Variants in TET3 observed in about 807,000 individuals in gnomAD.
TET3 encodes tet methylcytosine dioxygenase 3.
TET3 carries 19 observed loss-of-function variants against 141.4 expected under a neutral mutation model. The ratio of observed to expected loss-of-function variants is 0.13; its 90% CI spans 0.09 to 0.20. TET3 has a LOEUF of 0.20. Ranked by LOEUF, TET3 falls within the 10% of genes least tolerant of loss-of-function variation. TET3 has a pLI of 1.00. For missense variants in TET3, 1,874 were observed against 2,356.9 expected (o/e 0.80, Z 4.24); for synonymous variants, 1,043 against 980.9 (o/e 1.06, Z -1.18).
intron 6 of TET3, among the ~76,000 whole-genome samples, chr2:74,081,999 C>T (rs1689859233): frequency 6.6e-6 from 1 of 151,484 alleles, no homozygotes; most frequent in African/African-American, 2.5e-5. Flanking sequence ...TGTTACCTCC[C>T]CAGAGAACCC....
chr2:74,041,784 A>G (rs1687351565), intron 3 of TET3, among the ~76,000 whole-genome samples: 2 of 152,072 alleles, frequency 1.3e-5, no homozygotes, highest in Admixed American at 1.3e-4. Context: ...TCAGGATTTT[A>G]CCTCTTCTGA....
chr2:74,097,932 A>G (rs1292852584), intron 10 of TET3, among the ~76,000 whole-genome samples: 1 of 152,176 alleles, frequency 6.6e-6, no homozygotes, highest in Non-Finnish European at 1.5e-5. Context: ...AAGACCCCAA[A>G]TGCCAGAGCA....
chr2:74,099,218 C>G (rs1691020004), intron 10 of TET3, 58 bp from the exon 11 acceptor site: 1 of 1,471,242 alleles, frequency 6.8e-7, no homozygotes, highest in Non-Finnish European at 9.2e-7. Context: ...TCAGACCCCT[C>G]TCTCCCAGCA....
intron 4 of TET3, among the ~76,000 whole-genome samples, chr2:74,051,407 G>T (rs1687936322): frequency 1.3e-5 from 2 of 152,230 alleles, no homozygotes; most frequent in South Asian, 4.2e-4. Flanking sequence ...TTAGAAAATG[G>T]AAAAAAGACT....
chr2:74,090,530 G>T (rs1690425880), intron 8 of TET3, among the ~76,000 whole-genome samples: 1 of 152,224 alleles, frequency 6.6e-6, no homozygotes, highest in African/African-American at 2.4e-5. Context: ...CCGGGCCCTT[G>T]CAGTCTCCAT....
intron 3 of TET3, among the ~76,000 whole-genome samples, chr2:74,041,218 T>C (rs986391277): frequency 6.6e-6 from 1 of 152,208 alleles, no homozygotes; most frequent in Non-Finnish European, 1.5e-5. Flanking sequence ...TTCTCTCTCT[T>C]TACCCATTTT....
chr2:74,097,808 G>GA (rs1467376123), intron 10 of TET3, among the ~76,000 whole-genome samples: 7 of 152,162 alleles, frequency 4.6e-5, no homozygotes, highest in African/African-American at 1.7e-4. Context: ...AGGAGATGGC[G>GA]AGGGGGTGTG....
chr2:74,018,540 T>C (rs1419580030), intron 3 of TET3, among the ~76,000 whole-genome samples: 1 of 152,232 alleles, frequency 6.6e-6, no homozygotes, highest in African/African-American at 2.4e-5. Context: ...GAAAGCCTGT[T>C]ATCCCCAATC....
At chr2:74,058,686 T>C (rs559302577) in intron 4 of TET3, among the ~76,000 whole-genome samples, 4 of 152,296 alleles carry the variant, frequency 2.6e-5, no homozygotes, top group South Asian at 4.1e-4. Context: ...CAATACAGTT[T>C]TATAAAAGAC....
chr2:74,026,705 C>T (rs1440718765), intron 3 of TET3, among the ~76,000 whole-genome samples: 5 of 151,524 alleles, frequency 3.3e-5, no homozygotes, highest in Non-Finnish European at 5.9e-5. Context: ...TATTGAATCG[C>T]TCGCAAACTT....
At chr2:74,024,304 G>A (rs1686219461) in intron 3 of TET3, among the ~76,000 whole-genome samples, 1 of 152,214 alleles carries the variant, frequency 6.6e-6, no homozygotes, top group African/African-American at 2.4e-5. Context: ...TTGTGCAGGT[G>A]TGTTGCTGAA....
chr2:74,033,990 G>A (rs1410802237), intron 3 of TET3, among the ~76,000 whole-genome samples: 1 of 152,096 alleles, frequency 6.6e-6, no homozygotes, highest in Non-Finnish European at 1.5e-5. Context: ...TAGCTACTTG[G>A]GAGGCTGAGG....
At chr2:74,041,936 CT>C (rs1291802072) in intron 3 of TET3, among the ~76,000 whole-genome samples, 5 of 152,314 alleles carry the variant, frequency 3.3e-5, no homozygotes, top group African/African-American at 9.6e-5. Flanking sequence ...GCCTGTTGAC[CT>C]TTTGGCACCT....
At chr2:74,017,955 C>G (rs920438613) in intron 3 of TET3, among the ~76,000 whole-genome samples, 1 of 144,726 alleles carries the variant, frequency 6.9e-6, no homozygotes, top group Admixed American at 6.9e-5. Flanking sequence ...GAAACCTCTT[C>G]TGTCTCTTTT....
chr2:74,061,355 T>C (rs1159824668), intron 4 of TET3, among the ~76,000 whole-genome samples: 4 of 109,212 alleles, frequency 3.7e-5, no homozygotes, highest in East Asian at 3.0e-4. Flanking sequence ...ACGGGGCGGC[T>C]GGCCGGGTGG....
chr2:74,112,818 CG>C (rs1691733895), downstream of TET3, among the ~76,000 whole-genome samples: 1 of 149,960 alleles, frequency 6.7e-6, no homozygotes, highest in Admixed American at 6.6e-5. Flanking sequence ...CTGGCCAACA[CG>C]GTGAAAGCCC....
At chr2:73,992,313 T>TCTTTCTTTTTTTTTTTTG (rs370301450) in intron 2 of TET3, among the ~76,000 whole-genome samples, 1 of 151,374 alleles carries the variant, frequency 6.6e-6, no homozygotes, top group African/African-American at 2.4e-5. Flanking sequence ...TTCTTTTTTT[T>TCTTTCTTTTTTTTTTTTG]TTTTGTTTTG....
Position 74,047,635 on chromosome 2 carries a change from G to A in TET3, c.1718G>A (p.Arg573Lys). The A allele has an allele frequency of 1.2e-6, 2 of 1,613,520 alleles. No homozygotes were observed. Among genetic ancestry groups the A allele is most frequent in the Middle Eastern group, 1.6e-4 (1 of 6,062 alleles). ...TCACCTGTCCCACGGCTTCCAGACA[G>A]ACCACCCAAGGAGAAGAAGAAGAAG... ...PSSPVPRLPD[R>K]PPKEKKKKLP... Residue 573 changes from arginine (R) to lysine (K), a missense_variant, in exon 4 of 12, where the codon AGA (arginine) becomes AAA (lysine). This residue lies in a region of TET3 where 484 missense variants were observed against 462.2 expected (regional missense o/e 1.05). Transcript: ENST00000409262.
At position 74,100,929 on chromosome 2, in the gene TET3, GACCCCT is replaced by G; in HGVS notation, c.4142_4147del (p.Asp1381_Ser1383delinsAla). On this transcript the variant is annotated inframe_deletion, in exon 12 of 12. Transcript: ENST00000409262. ...CCCCCTACTCCACTCAGTGTCCAGG[GACCCCT>G]CCCCCTTTGCCCAGAGCTCCAACTG... is the stretch of plus-strand genomic sequence containing the variant. 1 of 1,610,970 alleles carries G rather than the reference GACCCCT, an allele frequency of 6.2e-7. No homozygotes were observed. Among genetic ancestry groups the G allele is most frequent in the Non-Finnish European group, 8.5e-7 (1 of 1,178,744 alleles).
Sources: gnomAD v4.1 joint callset for allele counts (sites outside exome capture counted in the v4.1 genomes callset) on GRCh38, gnomAD v4.1.1 for gene constraint, gnomAD v4.1.1 regional missense constraint, MANE v1.5 for transcripts, NCBI Gene and HGNC (gene_info 2026-07-23, HGNC 2026-07-21) for gene names.